The following WDR64 variants were observed in gnomAD, a reference collection of about 807,000 sequenced individuals.
The protein encoded by WDR64 is WD repeat domain 64, also known as WD repeat-containing protein 64.
A neutral mutation model predicts 139.3 loss-of-function variants in WDR64; 112 were observed. The observed-to-expected ratio is 0.80, with a 90% confidence interval of 0.69 to 0.94. The LOEUF is 0.94. WDR64 is among the 40% of genes least tolerant of loss of function. The pLI is 0.00. For missense variants in WDR64, 1,206 were observed against 1,293.1 expected (o/e 0.93, Z 1.03); for synonymous variants, 444 against 437.7 (o/e 1.01, Z -0.18).
chr1:241,689,385 AAG>A (rs1173340169), intron 8 of WDR64, among the ~76,000 whole-genome samples: 1 of 152,212 alleles, frequency 6.6e-6, no homozygotes, highest in East Asian at 1.9e-4. Context: ...TAAAAATAAA[AAG>A]ATGCAGAAAG....
At chr1:241,752,269 T>C (rs1670008521) in intron 14 of WDR64, among the ~76,000 whole-genome samples, 1 of 152,194 alleles carries the variant, frequency 6.6e-6, no homozygotes, top group Non-Finnish European at 1.5e-5. Flanking sequence ...AGAGATGAAA[T>C]GTAGAAAATA....
chr1:241,687,419 T>TGTGTC (rs1271883240), intron 7 of WDR64, 42 bp from the exon 8 acceptor site: 2 of 1,609,144 alleles, frequency 1.2e-6, no homozygotes, highest in Non-Finnish European at 1.7e-6. Context: ...TATACGTTTG[T>TGTGTC]GTGTCTAACA....
chr1:241,653,661 A>C (rs1174320029), intron 1 of WDR64, among the ~76,000 whole-genome samples: 1 of 150,758 alleles, frequency 6.6e-6, no homozygotes, highest in African/African-American at 2.4e-5. Flanking sequence ...CTCCTGCCTC[A>C]GCCTCCCAAG....
chr1:241,652,569 G>A lies in WDR64; in HGVS notation c.85G>A (p.Val29Ile). Residue 29 changes from valine (V) to isoleucine (I), a missense_variant, in exon 1 of 28, where the codon GTT (valine) becomes ATT (isoleucine). Coordinates refer to ENST00000437684, the MANE Select transcript of WDR64 (RefSeq NM_001367482.1). ...GGCTTTGAACAGGTTTGAAAAATTG[G>A]TTGAACAAACAGCAGCCCAGAAAAG... Reference protein sequence around the residue: ...KKALNRFEKLVEQTAAQKRDE... With the variant: ...KKALNRFEKLIEQTAAQKRDE... 6.4e-7 allele frequency: 1 copy of A among 1,551,996 alleles called. No individual in the cohort carries two copies. The highest frequency in any genetic ancestry group is 1.2e-5 in the South Asian group (1 of 84,068).
intron 13 of WDR64, among the ~76,000 whole-genome samples, chr1:241,746,305 A>T (rs1301931435): frequency 6.6e-6 from 1 of 152,112 alleles, no homozygotes; most frequent in Non-Finnish European, 1.5e-5. Context: ...GGTTCACTGG[A>T]GTCTGAATCT....
intron 12 of WDR64, among the ~76,000 whole-genome samples, chr1:241,743,388 G>A (rs1049524103): frequency 7.9e-5 from 12 of 152,026 alleles, no homozygotes; most frequent in African/African-American, 1.2e-4. Flanking sequence ...TTAAAAGTAC[G>A]GACTCTAGGG....
intron 11 of WDR64, 131 bp from the exon 12 acceptor site, chr1:241,741,385 T>C (rs1558501436): frequency 3.1e-6 from 2 of 646,050 alleles, no homozygotes; most frequent in Non-Finnish European, 4.9e-6. Context: ...CCTCATTACA[T>C]TTCCTAGGCA....
intron 14 of WDR64, among the ~76,000 whole-genome samples, chr1:241,753,713 C>G (rs987038749): frequency 3.3e-5 from 5 of 151,884 alleles, no homozygotes; most frequent in Non-Finnish European, 7.4e-5. Flanking sequence ...CACACACTCA[C>G]GAAAGAAAAC....
intron 1 of WDR64, 141 bp downstream of exon 1, chr1:241,652,770 T>C: frequency 2.0e-6 from 2 of 1,001,014 alleles, no homozygotes; most frequent in South Asian, 4.2e-5. Flanking sequence ...GTTCTTGTTC[T>C]TTCTCTGTCC....
chr1:241,672,422 G>C (rs1347405558), intron 3 of WDR64, among the ~76,000 whole-genome samples: 1 of 152,182 alleles, frequency 6.6e-6, no homozygotes, highest in Admixed American at 6.5e-5. Flanking sequence ...GTCTATGTTA[G>C]GGCTTTGCAA....
At chr1:241,730,693 T>C (rs946516748) in intron 10 of WDR64, among the ~76,000 whole-genome samples, 2 of 152,228 alleles carry the variant, frequency 1.3e-5, no homozygotes, top group African/African-American at 4.8e-5. Context: ...CATTAATATG[T>C]CAACCAATAT....
chr1:241,666,497 TTG>T (rs1355119569), intron 2 of WDR64, among the ~76,000 whole-genome samples: 1 of 152,238 alleles, frequency 6.6e-6, no homozygotes, highest in African/African-American at 2.4e-5. Context: ...AAATTTATTA[TTG>T]TCGTAAGAGC....
intron 13 of WDR64, among the ~76,000 whole-genome samples, chr1:241,745,354 C>A (rs1217397143): frequency 6.6e-6 from 1 of 151,746 alleles, no homozygotes; most frequent in Admixed American, 6.6e-5. Context: ...ATGCAACTGC[C>A]CTTCACGTGG....
chr1:241,772,951 C>G lies in WDR64; in HGVS notation c.2430+20C>G, dbSNP rs1411511051. On this transcript the variant is annotated intron_variant, in intron 20 of 27. Transcript: ENST00000437684. ...CTGGAGGTAATGGAACCCAGCAAGT[C>G]TGGGAATAGGAAAGAATGGGAAAGA... 6.5e-7 allele frequency: 1 copy of G among 1,544,016 alleles called. No individual in the cohort carries two copies. Among genetic ancestry groups the G allele is most frequent in the African/African-American group, 1.4e-5 (1 of 72,596 alleles).
intron 21 of WDR64, 41 bp from the exon 22 acceptor site, chr1:241,779,963 T>A (rs1484910151): frequency 6.8e-7 from 1 of 1,476,554 alleles, no homozygotes. Context: ...TTAGATAACA[T>A]GATATCTAAT....
At chr1:241,655,077 C>T (rs1466207882) in intron 1 of WDR64, among the ~76,000 whole-genome samples, 1 of 152,156 alleles carries the variant, frequency 6.6e-6, no homozygotes, top group Non-Finnish European at 1.5e-5. Flanking sequence ...CTTATTACAA[C>T]AGCCTATTAC....
At chr1:241,799,624 G>A (rs1574105212) in intron 27 of WDR64, among the ~76,000 whole-genome samples, 2 of 152,226 alleles carry the variant, frequency 1.3e-5, no homozygotes, top group African/African-American at 4.8e-5. Context: ...AAACACAGAG[G>A]ATAAGTAATT....
chr1:241,785,169 C>T (rs1380761845), intron 23 of WDR64, among the ~76,000 whole-genome samples: 1 of 152,062 alleles, frequency 6.6e-6, no homozygotes, highest in Non-Finnish European at 1.5e-5. Context: ...TATGTACATG[C>T]CACTGTTGTT....
intron 5 of WDR64, among the ~76,000 whole-genome samples, chr1:241,678,860 G>GAAAAAAAA (rs58075238): frequency 5.7e-4 from 19 of 33,622 alleles, no homozygotes; most frequent in East Asian, 1.4e-3. Flanking sequence ...TTCTTAAACT[G>GAAAAAAAA]AAAAAAAAAA....
Sources: allele counts gnomAD v4.1 joint callset (sites outside exome capture counted in the v4.1 genomes callset), GRCh38; gene constraint gnomAD v4.1.1; transcripts MANE v1.5; gene names NCBI Gene and HGNC (gene_info 2026-07-23, HGNC 2026-07-21).